The following ALDH1L2 variants were observed in gnomAD, a reference collection of about 807,000 sequenced individuals.
ALDH1L2 encodes the protein mitochondrial 10-formyltetrahydrofolate dehydrogenase.
A neutral mutation model predicts 111.0 loss-of-function variants in ALDH1L2; 91 were observed. The ratio of observed to expected loss-of-function variants is 0.82; its 90% confidence interval spans 0.69 to 0.98. ALDH1L2 has a LOEUF of 0.98. Ranked by LOEUF, ALDH1L2 falls within the 50% of genes least tolerant of loss-of-function variation. ALDH1L2 has a pLI of 0.00. For synonymous variants in ALDH1L2, 374 were observed against 392.6 expected (o/e 0.95, Z 0.56); for missense variants, 995 against 1,126.8 (o/e 0.88, Z 1.67).
At chr12:105,065,447 T>A (rs1379198557) in intron 5 of ALDH1L2, 91 bp from the exon 6 acceptor site, 1 of 1,047,584 alleles carries the variant, frequency 9.5e-7, no homozygotes, top group Admixed American at 2.1e-5. Flanking sequence ...GCAGAAACAC[T>A]TGTTATTGGG....
In ALDH1L2 at chr12:105,060,971, G is replaced by A. The variant is rs762094443; in HGVS notation, c.1139+10C>T. The A allele has an allele frequency of 4.6e-5, 74 of 1,612,044 alleles. No homozygotes were observed. Among genetic ancestry groups the A allele is most frequent in the South Asian group, 2.5e-4 (23 of 91,034 alleles). ...GAATCCCTAGTGAGTCAATAAGGGC[G>A]TGGTTTTACCTGGCAACATCCATTG... On this transcript the variant is annotated intron_variant, in intron 9 of 22. Transcript: ENST00000258494.
intron 10 of ALDH1L2, among the ~76,000 whole-genome samples, 193 bp downstream of exon 10, chr12:105,057,880 C>T (rs766461193): frequency 6.6e-6 from 1 of 152,054 alleles, no homozygotes; most frequent in African/African-American, 2.4e-5. Flanking sequence ...ATTGCACAAC[C>T]CTGTGAATAT....
chr12:105,075,741 A>G (rs1002474134), intron 1 of ALDH1L2, among the ~76,000 whole-genome samples: 1 of 152,238 alleles, frequency 6.6e-6, no homozygotes, highest in African/African-American at 2.4e-5. Flanking sequence ...ATATGTTTAT[A>G]ATGAGTTAGC....
chr12:105,062,684 C>T (rs1416515568), intron 7 of ALDH1L2, among the ~76,000 whole-genome samples: 1 of 152,216 alleles, frequency 6.6e-6, no homozygotes, highest in African/African-American at 2.4e-5. Flanking sequence ...CTTATCTCCC[C>T]ACTGAATTCC....
Position 105,024,441 on chromosome 12 carries a change from C to T in ALDH1L2, c.2755G>A (p.Val919Met). Residue 919 changes from valine to methionine, a missense_variant, in exon 23 of 23, where the codon GTG becomes ATG. Transcript: ENST00000258494. ...GTGTTGCTCTAATATTCCAGTGTCA[C>T]CGTCTTGGTTTTGAGATATTCATTT... ...ALNEYLKTKT[V>M]TLEY The T allele has an allele frequency of 6.2e-7, 1 of 1,614,086 alleles. No individual in the cohort carries two copies.
chr12:105,068,770 T>C lies in ALDH1L2; in HGVS notation c.543A>G (p.Thr181=). Residue 181 remains threonine (T), a synonymous_variant, in exon 4 of 23, where the codon ACA becomes ACG. Transcript: ENST00000258494. ...GAAACCGATTATAAAGTGCATCCAC[T>C]GTATCATTGGGTTCAACATCACATG... ...QRSCDVEPND[T]VDALYNRFLF... is the part of the protein sequence containing the mutation. The C allele has an allele frequency of 6.3e-7, 1 of 1,598,002 alleles. No individual in the cohort carries two copies. The highest frequency in any genetic ancestry group is 8.5e-7 in the Non-Finnish European group (1 of 1,172,222).
intron 3 of ALDH1L2, 33 bp from the exon 4 acceptor site, chr12:105,068,917 G>A: frequency 2.7e-6 from 4 of 1,476,134 alleles, no homozygotes; most frequent in South Asian, 1.4e-5. Context: ...TTAAAATGTT[G>A]GTTAACTGTA....
chr12:105,024,695 G>T (rs1874330100), intron 22 of ALDH1L2, among the ~76,000 whole-genome samples: 1 of 152,214 alleles, frequency 6.6e-6, no homozygotes, highest in South Asian at 2.1e-4. Flanking sequence ...TGGGCCCAGA[G>T]GTTTTGTGTT....
At chr12:105,060,477 C>A (rs7299166) in intron 9 of ALDH1L2, 116,227 of 152,134 alleles carry the variant, frequency 0.76, 44,621 homozygotes, top group East Asian at 0.92. Context: ...ACAAAGAGAA[C>A]TAAACGGATA....
chr12:105,067,781 A>G (rs1877459589), intron 4 of ALDH1L2, among the ~76,000 whole-genome samples: 2 of 152,194 alleles, frequency 1.3e-5, no homozygotes, highest in African/African-American at 4.8e-5. Flanking sequence ...ACCTCCATCT[A>G]GGCTATAACT....
intron 1 of ALDH1L2, among the ~76,000 whole-genome samples, chr12:105,079,343 T>G (rs1218302399): frequency 1.3e-5 from 2 of 152,224 alleles, no homozygotes; most frequent in South Asian, 2.1e-4. Context: ...TTGCGCAACT[T>G]GATGTTCCTA....
At chr12:105,080,398 A>G (rs73393882) in intron 1 of ALDH1L2, among the ~76,000 whole-genome samples, 3,386 of 152,254 alleles carry the variant, frequency 0.022, 85 homozygotes, top group African/African-American at 0.055. Flanking sequence ...CATTTTTGGT[A>G]TATCATTTTA....
chr12:105,067,144 A>T (rs1169990742), intron 4 of ALDH1L2, among the ~76,000 whole-genome samples: 1 of 145,102 alleles, frequency 6.9e-6, no homozygotes, highest in Non-Finnish European at 1.5e-5. Flanking sequence ...TGAACCCGGG[A>T]GGCAGAGCTT....
intron 19 of ALDH1L2, 28 bp from the exon 20 acceptor site, chr12:105,031,962 C>A: frequency 6.2e-7 from 1 of 1,607,988 alleles, no homozygotes. Flanking sequence ...CATAAAAACA[C>A]AATTCACTGT....
At position 105,039,110 on chromosome 12, in the gene ALDH1L2, C is replaced by T. The variant is rs560953922; in HGVS notation, c.2045+603G>A. Among the ~76,000 whole-genome samples, 3 of 152,292 alleles carry T rather than the reference C, an allele frequency of 2.0e-5. No individual in the cohort carries two copies. In the South Asian group the frequency reaches 6.2e-4, roughly 32 times the overall value. On this transcript the variant is annotated intron_variant, in intron 17 of 22. Transcript: ENST00000258494. Reference sequence around the variant, plus strand: ...TTTTGATATACTACCTATTTGTGATCTGTCCTACCATAGCTTTTGCGTTGT... The same window carrying T: ...TTTTGATATACTACCTATTTGTGATTTGTCCTACCATAGCTTTTGCGTTGT...
At position 105,064,114 on chromosome 12, in the gene ALDH1L2, C is replaced by CTTTT. The variant is rs71069786; in HGVS notation, c.787-1096_787-1093dup. Among the ~76,000 whole-genome samples, 72 of 35,116 alleles carry CTTTT rather than the reference C, an allele frequency of 2.1e-3. 14 individuals carry two copies. The highest frequency in any genetic ancestry group is 3.3e-3 in the East Asian group (3 of 898). 23.0% of individuals were successfully genotyped at this position (35,116 alleles called of 152,430 possible). ...TACAGGCACATGCCACCACACCGAGCTTTTTTTTTTTTTTTTTTTTTTTTT... is the reference window on the plus strand; with the variant it reads ...TACAGGCACATGCCACCACACCGAGCTTTTTTTTTTTTTTTTTTTTTTTTTTTTT... On this transcript the variant is annotated intron_variant, in intron 6 of 22. Coordinates refer to ENST00000258494, the MANE Select transcript of ALDH1L2 (RefSeq NM_001034173.4).
intron 22 of ALDH1L2, 125 bp downstream of exon 22, chr12:105,026,420 A>G: frequency 1.0e-5 from 11 of 1,095,628 alleles, no homozygotes; most frequent in Non-Finnish European, 1.4e-5. Flanking sequence ...ATGCCCTTCT[A>G]AACCCAGATA....
rs951788482 is a variant in ALDH1L2, at chr12:105,020,707, T to A, written c.*3717A>T. Reference sequence around the variant, plus strand: ...TTAGAAAGCATAGTCAGGGAATGTGTCTCTCATCAGATGATATTTGAGGAG... The same window carrying A: ...TTAGAAAGCATAGTCAGGGAATGTGACTCTCATCAGATGATATTTGAGGAG... On this transcript the variant is annotated 3_prime_UTR_variant, in exon 23 of 23. Transcript: ENST00000258494. The A allele has an allele frequency of 2.0e-5, 3 of 152,292 alleles. No homozygotes were observed. The highest frequency in any genetic ancestry group is 4.4e-5 in the Non-Finnish European group (3 of 68,028). 9.4% of individuals were successfully genotyped at this position (152,292 alleles called of 1,614,324 possible). A position where few individuals can be genotyped will look rare whatever the true frequency, so the allele number is the denominator to read the frequency against.
At chr12:105,036,676 T>C (rs1291435184) in intron 18 of ALDH1L2, among the ~76,000 whole-genome samples, 1 of 147,516 alleles carries the variant, frequency 6.8e-6, no homozygotes, top group African/African-American at 2.5e-5. Flanking sequence ...CTGGGCAACA[T>C]AGTGAGATCC....
Sources: gnomAD v4.1 joint callset for allele counts (sites outside exome capture counted in the v4.1 genomes callset) on GRCh38, gnomAD v4.1.1 for gene constraint, MANE v1.5 for transcripts, NCBI Gene and HGNC (gene_info 2026-07-23, HGNC 2026-07-21) for gene names.